The following PDE1A variants were observed in gnomAD, a reference collection of about 807,000 sequenced individuals.
PDE1A encodes dual specificity calcium/calmodulin-dependent 3',5'-cyclic nucleotide phosphodiesterase 1A.
Under a neutral mutation model 61.7 loss-of-function variants are expected in PDE1A, and 35 were observed. The ratio of observed to expected loss-of-function variants is 0.57; its 90% CI spans 0.43 to 0.75. The LOEUF (loss-of-function observed/expected upper bound fraction) is 0.75. Among genes scored for constraint, PDE1A ranks in the 30% least tolerant of loss-of-function variants. The pLI is 0.00. For missense variants in PDE1A, 597 were observed against 630.6 expected (o/e 0.95, Z 0.57); for synonymous variants, 232 against 213.2 (o/e 1.09, Z -0.77).
the PDE1A span, among the ~76,000 whole-genome samples, chr2:182,531,998 C>T: frequency 2.0e-5 from 3 of 152,254 alleles, no homozygotes; most frequent in Admixed American, 6.5e-5. Context: ...TGGTTTCCAG[C>T]TTCATCCATG....
chr2:182,604,241 T>C, the PDE1A span, among the ~76,000 whole-genome samples: 8 of 152,338 alleles, frequency 5.3e-5, no homozygotes, highest in Middle Eastern at 0.014. Context: ...AAAATAGATA[T>C]TCCATTTACA....
chr2:182,565,434 C>T, the PDE1A span, among the ~76,000 whole-genome samples: 1 of 152,202 alleles, frequency 6.6e-6, no homozygotes, highest in South Asian at 2.1e-4. Flanking sequence ...AGAGGAGTAC[C>T]CGGCCATGTG....
At chr2:182,381,868 A>G (rs1265281137) in intron 1 of PDE1A, among the ~76,000 whole-genome samples, 2 of 151,850 alleles carry the variant, frequency 1.3e-5, no homozygotes, top group East Asian at 1.9e-4. Flanking sequence ...TTGTTCCCAA[A>G]GAGTAACCAT....
chr2:182,673,171 A>T, the PDE1A span, among the ~76,000 whole-genome samples: 857 of 152,326 alleles, frequency 5.6e-3, 10 homozygotes, highest in South Asian at 0.012. Context: ...CATTTTAAAC[A>T]TATCATTGCC....
At chr2:182,372,939 C>A (rs943275536) in intron 1 of PDE1A, among the ~76,000 whole-genome samples, 12 of 152,150 alleles carry the variant, frequency 7.9e-5, no homozygotes, top group Non-Finnish European at 1.2e-4. Flanking sequence ...GATAAAGGAA[C>A]AATGTGCAGG....
At position 182,304,119 on chromosome 2, in the gene PDE1A, G is replaced by A. The variant is rs530806520; in HGVS notation, c.54-39705C>T. On this transcript the variant is annotated intron_variant, in intron 1 of 13. Coordinates refer to ENST00000351439, the Ensembl canonical transcript of PDE1A. ...TTTCACCACGTTGGCCCTTGACCTCGTGATCCTCCTGCCTCGGACTCCCAA... is the reference window on the plus strand; with the variant it reads ...TTTCACCACGTTGGCCCTTGACCTCATGATCCTCCTGCCTCGGACTCCCAA... Among the ~76,000 whole-genome samples the A allele has an allele frequency of 1.8e-3, 274 of 152,074 alleles. 1 individual carries two copies. The highest frequency in any genetic ancestry group is 6.1e-3 in the African/African-American group (255 of 41,492).
At chr2:182,592,378 G>A in the PDE1A span, among the ~76,000 whole-genome samples, 1 of 152,116 alleles carries the variant, frequency 6.6e-6, no homozygotes, top group Non-Finnish European at 1.5e-5. Flanking sequence ...AATGAATTAT[G>A]GGCAAAAGTT....
intron 1 of PDE1A, among the ~76,000 whole-genome samples, chr2:182,350,648 T>C (rs772490920): frequency 6.6e-6 from 1 of 152,194 alleles, no homozygotes; most frequent in Non-Finnish European, 1.5e-5. Flanking sequence ...ATATTCTAAG[T>C]AAAGAAAAGC....
At chr2:182,371,000 C>G (rs1249133930) in intron 1 of PDE1A, among the ~76,000 whole-genome samples, 12 of 152,132 alleles carry the variant, frequency 7.9e-5, no homozygotes, top group East Asian at 1.9e-4. Flanking sequence ...GAGGACTACT[C>G]AAACGCAATC....
At chr2:182,681,590 A>C in the PDE1A span, among the ~76,000 whole-genome samples, 10 of 151,646 alleles carry the variant, frequency 6.6e-5, no homozygotes, top group Admixed American at 1.3e-4. Flanking sequence ...AAAAAAAAAA[A>C]ACAGTTATTC....
At chr2:182,211,866 G>C (rs1441079696) in intron 7 of PDE1A, among the ~76,000 whole-genome samples, 4 of 152,120 alleles carry the variant, frequency 2.6e-5, no homozygotes, top group African/African-American at 9.7e-5. Flanking sequence ...TTGCAACCCT[G>C]CTATAATCAC....
chr2:182,328,828 C>T (rs1697217575), intron 1 of PDE1A, among the ~76,000 whole-genome samples: 1 of 152,110 alleles, frequency 6.6e-6, no homozygotes, highest in Non-Finnish European at 1.5e-5. Flanking sequence ...AAGTAAGGGT[C>T]TCTGCATTAT....
intron 2 of PDE1A, among the ~76,000 whole-genome samples, chr2:182,500,129 G>T (rs1689001334): frequency 6.6e-6 from 1 of 152,218 alleles, no homozygotes; most frequent in Non-Finnish European, 1.5e-5. Flanking sequence ...TAGGTTTGCA[G>T]TAATCAAGTC....
At chr2:182,459,119 T>C (rs1686111404) in intron 2 of PDE1A, among the ~76,000 whole-genome samples, 1 of 152,138 alleles carries the variant, frequency 6.6e-6, no homozygotes. Flanking sequence ...CTAAGATAAA[T>C]AATACCTATA....
chr2:182,297,065 T>A (rs981418600), intron 1 of PDE1A, among the ~76,000 whole-genome samples: 8 of 152,224 alleles, frequency 5.3e-5, no homozygotes, highest in African/African-American at 1.9e-4. Flanking sequence ...TCAGCCTCCA[T>A]AATCATGTGA....
intron 1 of PDE1A, among the ~76,000 whole-genome samples, chr2:182,370,203 G>GA (rs895746184): frequency 2.6e-5 from 4 of 151,472 alleles, no homozygotes; most frequent in South Asian, 2.1e-4. Context: ...AAAAAGAAAA[G>GA]AAAAAAAGAA....
At chr2:182,395,638 G>C (rs1701661257) in intron 1 of PDE1A, among the ~76,000 whole-genome samples, 1 of 152,178 alleles carries the variant, frequency 6.6e-6, no homozygotes, top group African/African-American at 2.4e-5. Context: ...TGCCAATTTT[G>C]AGTGAGGTCC....
chr2:182,196,498 TA>T (rs1559168410), intron 10 of PDE1A, among the ~76,000 whole-genome samples: 3 of 151,660 alleles, frequency 2.0e-5, no homozygotes, highest in Admixed American at 2.0e-4. Context: ...ATACTCTTTT[TA>T]AAAAAAATTA....
chr2:182,363,040 A>AAC lies in PDE1A; in HGVS notation c.53+63536_53+63537dup, dbSNP rs1699603648. On this transcript the variant is annotated intron_variant, in intron 1 of 13. Coordinates refer to ENST00000351439, the Ensembl canonical transcript of PDE1A. ...AACACATGGATACATAGAGGGAAAT[A>AAC]ACACACACTGGGGCCTATTGGAGGA... Among the ~76,000 whole-genome samples, 3 of 152,054 alleles carry AAC rather than the reference A, an allele frequency of 2.0e-5. No homozygotes were observed. The South Asian group carries it at 6.2e-4, about 31-fold the overall frequency.
Sources: allele counts gnomAD v4.1 joint callset (sites outside exome capture counted in the v4.1 genomes callset), GRCh38; gene constraint gnomAD v4.1.1; transcripts MANE v1.5; gene names NCBI Gene and HGNC (gene_info 2026-07-23, HGNC 2026-07-21).